The following CIB4 variants were observed in gnomAD, a reference collection of about 807,000 sequenced individuals.
The protein encoded by CIB4 is calcium and integrin-binding family member 4.
In CIB4, 25 loss-of-function variants were observed where a neutral mutation model predicts 25.8. The ratio of observed to expected loss-of-function variants is 0.97; its 90% CI spans 0.71 to 1.35. The LOEUF (loss-of-function observed/expected upper bound fraction) is 1.35, where lower values mean the gene tolerates loss of function less well. Among genes scored for constraint, CIB4 ranks in the 40% most tolerant of loss-of-function variants. The pLI is 0.00. For missense variants in CIB4, 235 were observed against 228.2 expected (o/e 1.03, Z -0.19); for synonymous variants, 75 against 81.4 (o/e 0.92, Z 0.42).
chr2:26,630,625 A>T (rs1357847823), intron 2 of CIB4, among the ~76,000 whole-genome samples: 4 of 151,992 alleles, frequency 2.6e-5, no homozygotes, highest in Non-Finnish European at 5.9e-5. Context: ...TCTACATTCA[A>T]ATCCTGACTC....
intron 3 of CIB4, among the ~76,000 whole-genome samples, chr2:26,596,953 T>C (rs1343734177): frequency 6.6e-6 from 1 of 152,220 alleles, no homozygotes; most frequent in African/African-American, 2.4e-5. Flanking sequence ...TGATGACAAG[T>C]AGCTATTGGC....
chr2:26,605,201 CAT>C (rs762281476), intron 3 of CIB4, among the ~76,000 whole-genome samples: 16 of 151,784 alleles, frequency 1.1e-4, no homozygotes, highest in African/African-American at 2.2e-4. Flanking sequence ...GAAAACATAA[CAT>C]ATGAAAATTT....
chr2:26,604,777 G>T (rs1668857002), intron 3 of CIB4, among the ~76,000 whole-genome samples: 1 of 152,016 alleles, frequency 6.6e-6, no homozygotes, highest in Admixed American at 6.5e-5. Context: ...AAACATAAAG[G>T]GTTTTTCCCC....
chr2:26,641,331 T>C lies in CIB4; in HGVS notation c.-17A>G. 6.2e-7 allele frequency: 1 copy of C among 1,612,168 alleles called. No individual in the cohort carries two copies. Among genetic ancestry groups the C allele is most frequent in the Non-Finnish European group, 8.5e-7 (1 of 1,178,280 alleles). On this transcript the variant is annotated 5_prime_UTR_variant, in exon 1 of 7. Coordinates refer to ENST00000288861, the MANE Select transcript of CIB4 (RefSeq NM_001029881.3). ...TTGCCCCATGCCAACCACACCTTTC[T>C]GTCTGCCAGCAGTAGAACCTCAGCC...
Position 26,581,252 on chromosome 2 carries a change from A to G in CIB4, c.*111T>C, listed in dbSNP as rs185054484. The G allele has an allele frequency of 1.5e-3, 1,211 of 823,558 alleles. 4 individuals carry two copies. Among genetic ancestry groups the G allele is most frequent in the Non-Finnish European group, 2.0e-3 (958 of 477,252 alleles). The allele number at this position is 823,558 out of a possible 1,614,324, so 51.0% of individuals were successfully genotyped here. ...TCTAATAAACAATATTCTAGAGGTG[A>G]GTGTGGGCCCAGTACAAAGTCATAC... On this transcript the variant is annotated 3_prime_UTR_variant, in exon 7 of 7. Coordinates refer to ENST00000288861, the MANE Select transcript of CIB4 (RefSeq NM_001029881.3).
At position 26,640,074 on chromosome 2, in the gene CIB4, A is replaced by G. The variant is rs1345538928; in HGVS notation, c.89+459T>C. 2.1e-5 allele frequency among the ~76,000 whole-genome samples: 3 copies of G among 139,552 alleles called. No individual in the cohort carries two copies. In the East Asian group the frequency reaches 7.6e-4, roughly 36 times the overall value. The allele number at this position is 139,552 out of a possible 152,430, so 91.6% of individuals were successfully genotyped here. On this transcript the variant is annotated intron_variant, in intron 2 of 6. Coordinates refer to ENST00000288861, the MANE Select transcript of CIB4 (RefSeq NM_001029881.3). ...CCACCCTCAGGGCCTCCACGAGGCC[A>G]GCACATCACAGGCACCGGAGAAAGG...
intron 3 of CIB4, among the ~76,000 whole-genome samples, chr2:26,616,000 G>A (rs1358753984): frequency 4.6e-5 from 7 of 152,220 alleles, no homozygotes; most frequent in Admixed American, 2.6e-4. Context: ...TCCCACCAGC[G>A]CTGGGGGGCG....
intron 3 of CIB4, among the ~76,000 whole-genome samples, chr2:26,616,427 C>T (rs1669093983): frequency 6.6e-6 from 1 of 152,164 alleles, no homozygotes; most frequent in South Asian, 2.1e-4. Context: ...CCTGGGAGGC[C>T]AGGCTGGGCC....
In CIB4 at chr2:26,641,350, C is replaced by T. The variant is rs1669632020; in HGVS notation, c.-36G>A. Reference sequence around the variant, plus strand: ...CCTTTCTGTCTGCCAGCAGTAGAACCTCAGCCTCAAGGACTCGCCAGCTGA... The same window carrying T: ...CCTTTCTGTCTGCCAGCAGTAGAACTTCAGCCTCAAGGACTCGCCAGCTGA... On this transcript the variant is annotated 5_prime_UTR_variant, in exon 1 of 7. Transcript: ENST00000288861. The T allele has an allele frequency of 6.3e-7, 1 of 1,597,208 alleles. No individual in the cohort carries two copies. Among genetic ancestry groups the T allele is most frequent in the South Asian group, 1.1e-5 (1 of 90,776 alleles).
At chr2:26,585,104 T>G (rs1279700856) in intron 4 of CIB4, among the ~76,000 whole-genome samples, 1 of 152,134 alleles carries the variant, frequency 6.6e-6, no homozygotes, top group African/African-American at 2.4e-5. Flanking sequence ...CAGAGCCACC[T>G]TGAGGGGTGT....
At chr2:26,612,475 A>G (rs901955780) in intron 3 of CIB4, among the ~76,000 whole-genome samples, 6 of 152,140 alleles carry the variant, frequency 3.9e-5, no homozygotes, top group Non-Finnish European at 5.9e-5. Flanking sequence ...TGCTGCTTCT[A>G]CTTTCTGGGC....
chr2:26,583,969 T>A, intron 4 of CIB4, 71 bp from the exon 5 acceptor site: 1 of 984,192 alleles, frequency 1.0e-6, no homozygotes, highest in Non-Finnish European at 1.6e-6. Context: ...TGAGGAGTCC[T>A]GGGGGACACA....
At chr2:26,611,762 T>C (rs1668999667) in intron 3 of CIB4, among the ~76,000 whole-genome samples, 2 of 152,158 alleles carry the variant, frequency 1.3e-5, no homozygotes, top group African/African-American at 4.8e-5. Context: ...GAGGAGATGG[T>C]TTAGTAAATC....
chr2:26,631,570 G>A (rs1054239666), intron 2 of CIB4, among the ~76,000 whole-genome samples: 2 of 152,202 alleles, frequency 1.3e-5, no homozygotes, highest in African/African-American at 2.4e-5. Context: ...CCAGAGCCCT[G>A]ACGATGGTAG....
chr2:26,637,799 G>T (rs889617498), intron 2 of CIB4, among the ~76,000 whole-genome samples: 1 of 152,150 alleles, frequency 6.6e-6, no homozygotes, highest in East Asian at 1.9e-4. Context: ...CCAGGCTGTG[G>T]TCTCCTGGGT....
intron 3 of CIB4, among the ~76,000 whole-genome samples, chr2:26,614,229 C>T (rs533462853): frequency 6.6e-6 from 1 of 152,342 alleles, no homozygotes; most frequent in African/African-American, 2.4e-5. Context: ...AATAAAGCCT[C>T]AAGCCAGCAG....
intron 2 of CIB4, among the ~76,000 whole-genome samples, chr2:26,633,226 C>T (rs1462291827): frequency 1.3e-5 from 2 of 152,216 alleles, no homozygotes; most frequent in Non-Finnish European, 2.9e-5. Flanking sequence ...AGAAACTCAC[C>T]AGCCCTTGCC....
chr2:26,603,691 A>T lies in CIB4; in HGVS notation c.187-8374T>A, dbSNP rs556097059. ...CAAAAAAAGAAGGAAAATAAGACCC[A>T]CAACCAGTAGAAAAATCAGCTAAAG... On this transcript the variant is annotated intron_variant, in intron 3 of 6. Transcript: ENST00000288861. Among the ~76,000 whole-genome samples, 3 of 152,328 alleles carry T rather than the reference A, an allele frequency of 2.0e-5. No individual in the cohort carries two copies. In the South Asian group the frequency reaches 6.2e-4, roughly 32 times the overall value.
At chr2:26,586,334 C>T (rs181932347) in intron 4 of CIB4, among the ~76,000 whole-genome samples, 6 of 152,210 alleles carry the variant, frequency 3.9e-5, no homozygotes, top group Non-Finnish European at 7.3e-5. Flanking sequence ...TCCCCCTCCT[C>T]GGGACACTCT....
Sources: gnomAD v4.1 joint callset for allele counts (sites outside exome capture counted in the v4.1 genomes callset) on GRCh38, gnomAD v4.1.1 for gene constraint, MANE v1.5 for transcripts, NCBI Gene and HGNC (gene_info 2026-07-23, HGNC 2026-07-21) for gene names.